The following SLC25A21 variants were observed in gnomAD, a reference collection of about 807,000 sequenced individuals.
The protein encoded by SLC25A21 is mitochondrial 2-oxodicarboxylate carrier.
SLC25A21 carries 47 observed loss-of-function variants against 43.8 expected under a neutral mutation model. That is an observed-to-expected ratio of 1.07 (90% CI 0.85 to 1.37). The LOEUF (loss-of-function observed/expected upper bound fraction) is 1.37, where lower values mean the gene tolerates loss of function less well. SLC25A21 is among the 40% of genes most tolerant of loss of function. The pLI is 0.00. For missense variants in SLC25A21, 352 were observed against 350.2 expected (o/e 1.00, Z -0.04); for synonymous variants, 131 against 121.3 (o/e 1.08, Z -0.52).
chr14:36,906,933 C>T (rs1265810459), intron 1 of SLC25A21, among the ~76,000 whole-genome samples: 2 of 152,170 alleles, frequency 1.3e-5, no homozygotes, highest in African/African-American at 4.8e-5. Context: ...AGCAACTGGA[C>T]AGCTCCTGTC....
chr14:36,977,238 G>A (rs1236768582), intron 1 of SLC25A21, among the ~76,000 whole-genome samples: 1 of 152,034 alleles, frequency 6.6e-6, no homozygotes, highest in African/African-American at 2.4e-5. Context: ...TAATTATCGG[G>A]GGAAGGAGAA....
intron 1 of SLC25A21, among the ~76,000 whole-genome samples, chr14:36,976,164 G>C (rs1385270824): frequency 6.6e-6 from 1 of 152,152 alleles, no homozygotes; most frequent in East Asian, 1.9e-4. Flanking sequence ...AGAAACATCT[G>C]CACAGTGTAC....
At chr14:37,168,337 C>T (rs139440297) in intron 1 of SLC25A21, among the ~76,000 whole-genome samples, 10 of 152,286 alleles carry the variant, frequency 6.6e-5, no homozygotes, top group East Asian at 5.8e-4. Flanking sequence ...TTCAGATGTA[C>T]GCATCAGTTT....
chr14:36,777,991 C>T (rs1198489245), intron 3 of SLC25A21, among the ~76,000 whole-genome samples: 1 of 152,146 alleles, frequency 6.6e-6, no homozygotes, highest in Non-Finnish European at 1.5e-5. Context: ...CTAATGAGAA[C>T]TCCCATTCCT....
At chr14:37,145,323 C>T (rs982452727) in intron 1 of SLC25A21, among the ~76,000 whole-genome samples, 1 of 151,878 alleles carries the variant, frequency 6.6e-6, no homozygotes, top group African/African-American at 2.4e-5. Context: ...TGGAGTCAAA[C>T]TCCTGGGCTC....
chr14:36,762,743 T>C (rs1049253661), intron 3 of SLC25A21, among the ~76,000 whole-genome samples: 2 of 152,188 alleles, frequency 1.3e-5, no homozygotes, highest in Non-Finnish European at 2.9e-5. Flanking sequence ...GGATGATATG[T>C]TATGCCCATC....
At chr14:36,693,362 G>A (rs905648590) in intron 7 of SLC25A21, among the ~76,000 whole-genome samples, 3 of 152,154 alleles carry the variant, frequency 2.0e-5, no homozygotes, top group Non-Finnish European at 2.9e-5. Context: ...GGGAGAAAAT[G>A]TGGAAGGCTT....
intron 1 of SLC25A21, among the ~76,000 whole-genome samples, chr14:36,927,689 T>G (rs997287943): frequency 6.6e-6 from 1 of 152,140 alleles, no homozygotes; most frequent in Non-Finnish European, 1.5e-5. Flanking sequence ...AGTATGTGGT[T>G]TGTGTGAAAA....
chr14:36,894,684 G>C (rs1026685754), intron 1 of SLC25A21, among the ~76,000 whole-genome samples: 6 of 152,088 alleles, frequency 3.9e-5, no homozygotes, highest in African/African-American at 1.4e-4. Context: ...GTTTGTCATA[G>C]ATAGCTCCTA....
intron 1 of SLC25A21, among the ~76,000 whole-genome samples, chr14:37,040,412 A>AAAGAAAGAAAGG (rs1961442584): frequency 2.0e-5 from 2 of 97,928 alleles, no homozygotes; most frequent in South Asian, 5.7e-4. Flanking sequence ...AGAAAGAAAG[A>AAAGAAAGAAAGG]AAGAAAGAAA....
At chr14:37,159,645 A>C (rs1963906455) in intron 1 of SLC25A21, among the ~76,000 whole-genome samples, 2 of 152,180 alleles carry the variant, frequency 1.3e-5, no homozygotes, top group Admixed American at 1.3e-4. Flanking sequence ...CCTAGGGAAA[A>C]CTTTCCTGGA....
intron 3 of SLC25A21, among the ~76,000 whole-genome samples, chr14:36,776,137 G>C (rs2138367018): frequency 6.6e-6 from 1 of 150,440 alleles, no homozygotes; most frequent in Non-Finnish European, 1.5e-5. Context: ...TTGTACTCTT[G>C]GTACATTGTT....
chr14:36,837,783 GAA>G (rs1354557470), intron 2 of SLC25A21, among the ~76,000 whole-genome samples: 4 of 152,156 alleles, frequency 2.6e-5, no homozygotes, highest in Non-Finnish European at 4.4e-5. Context: ...TCCTCACACT[GAA>G]AGACTTCCCA....
intron 1 of SLC25A21, among the ~76,000 whole-genome samples, chr14:37,062,265 C>T (rs1961963138): frequency 6.6e-6 from 1 of 152,260 alleles, no homozygotes; most frequent in South Asian, 2.1e-4. Context: ...AAAGGAAAAT[C>T]ATACCACATC....
chr14:37,081,832 C>T (rs981921659), intron 1 of SLC25A21, among the ~76,000 whole-genome samples: 6 of 152,114 alleles, frequency 3.9e-5, no homozygotes, highest in African/African-American at 7.2e-5. Context: ...AAAGGCTCAG[C>T]GAGAATTGTT....
chr14:36,867,287 T>G (rs534348538), intron 2 of SLC25A21, among the ~76,000 whole-genome samples: 1 of 152,322 alleles, frequency 6.6e-6, no homozygotes, highest in African/African-American at 2.4e-5. Context: ...TCCCACCTTT[T>G]TCATGAAATC....
At chr14:37,118,576 A>G (rs1476111761) in intron 1 of SLC25A21, among the ~76,000 whole-genome samples, 1 of 152,176 alleles carries the variant, frequency 6.6e-6, no homozygotes, top group African/African-American at 2.4e-5. Context: ...GAACCCATTG[A>G]GTGGTTACAC....
chr14:37,069,386 CATGAT>C (rs1293032553), intron 1 of SLC25A21, among the ~76,000 whole-genome samples: 2 of 152,142 alleles, frequency 1.3e-5, no homozygotes, highest in Admixed American at 1.3e-4. Flanking sequence ...ATTATGCCCT[CATGAT>C]ATTTATGTCT....
chr14:36,820,683 A>G (rs1461828728), intron 2 of SLC25A21, among the ~76,000 whole-genome samples: 1 of 152,190 alleles, frequency 6.6e-6, no homozygotes, highest in Non-Finnish European at 1.5e-5. Context: ...TTTGTTAGCC[A>G]TAAGAGAGAA....
Sources: allele counts gnomAD v4.1 joint callset (sites outside exome capture counted in the v4.1 genomes callset), GRCh38; gene constraint gnomAD v4.1.1; transcripts MANE v1.5; gene names NCBI Gene and HGNC (gene_info 2026-07-23, HGNC 2026-07-21).